Variants in PRKN observed in about 807,000 individuals in gnomAD.
PRKN encodes parkin RBR E3 ubiquitin protein ligase.
PRKN carries 56 observed loss-of-function variants against 59.5 expected under a neutral mutation model. That is an observed-to-expected ratio of 0.94 (90% CI 0.76 to 1.18). PRKN has a LOEUF of 1.18. PRKN is among the 50% of genes most tolerant of loss of function. The pLI, the probability that PRKN is intolerant of heterozygous loss-of-function variation, is 0.00. For synonymous variants in PRKN, 250 were observed against 222.1 expected (o/e 1.13, Z -1.12); for missense variants, 657 against 596.4 (o/e 1.10, Z -1.06).
intron 1 of PRKN, among the ~76,000 whole-genome samples, chr6:162,450,384 C>CTTGTGAATGTAAA (rs1308889049): frequency 7.5e-6 from 1 of 134,190 alleles, no homozygotes; most frequent in African/African-American, 2.7e-5. Flanking sequence ...TTGTAATCCC[C>CTTGTGAATGTAAA]CTGTGAATGT....
At chr6:161,877,645 T>G in intron 6 of PRKN, among the ~76,000 whole-genome samples, 1 of 151,790 alleles carries the variant, frequency 6.6e-6, no homozygotes. Context: ...TTCTTTTGTA[T>G]TTTTAGTAGA....
At chr6:161,426,223 T>G (rs1385917266) in intron 9 of PRKN, among the ~76,000 whole-genome samples, 1 of 152,148 alleles carries the variant, frequency 6.6e-6, no homozygotes, top group Non-Finnish European at 1.5e-5. Flanking sequence ...CGTGCTGAAG[T>G]ACCTCAGGGA....
At chr6:161,430,106 G>A (rs903419822) in intron 9 of PRKN, among the ~76,000 whole-genome samples, 1 of 152,198 alleles carries the variant, frequency 6.6e-6, no homozygotes, top group Non-Finnish European at 1.5e-5. Context: ...GGGAATCTGA[G>A]TCTTTTATAA....
At chr6:161,589,946 ATT>A (rs1284819728) in intron 7 of PRKN, among the ~76,000 whole-genome samples, 2 of 140,480 alleles carry the variant, frequency 1.4e-5, no homozygotes, top group Non-Finnish European at 1.6e-5. Flanking sequence ...TGCGCAGCTA[ATT>A]TTTTTTTTTT....
At chr6:162,142,466 G>A (rs1162903889) in intron 4 of PRKN, among the ~76,000 whole-genome samples, 1 of 152,174 alleles carries the variant, frequency 6.6e-6, no homozygotes, top group Non-Finnish European at 1.5e-5. Flanking sequence ...GCTTGTTATG[G>A]AGACTAAAGC....
At position 161,445,811 on chromosome 6, in the gene PRKN, T is replaced by C. The variant is rs965588675; in HGVS notation, c.1084-58934A>G. Among the ~76,000 whole-genome samples, 7 of 151,728 alleles carry C rather than the reference T, an allele frequency of 4.6e-5. No homozygotes were observed. The highest frequency in any genetic ancestry group is 1.0e-4 in the Non-Finnish European group (7 of 67,886). ...TACAAGGGGTTTCCCTTCCCTTCCC[T>C]TCCCTTCCCTTCCCTTCCCTTCCCT... On this transcript the variant is annotated intron_variant, in intron 9 of 11. Transcript: ENST00000366898. The surrounding 1 kb of genome is among the most constrained non-coding windows in gnomAD (Gnocchi z 7.7).
chr6:161,728,244 GA>G (rs34388276), intron 7 of PRKN, among the ~76,000 whole-genome samples: 25 of 145,366 alleles, frequency 1.7e-4, no homozygotes, highest in East Asian at 4.0e-4. Context: ...CAAAATGTGA[GA>G]AAAAAAAAAA....
At position 161,646,308 on chromosome 6, in the gene PRKN, G is replaced by A. The variant is rs537386472; in HGVS notation, c.872-76892C>T. ...GTGCGTGCGTGGCGGAGGAGGTGGC[G>A]TATCAGTGACAGTGGTGACTGCGTG... On this transcript the variant is annotated intron_variant, in intron 7 of 11. Coordinates refer to ENST00000366898, the MANE Select transcript of PRKN (RefSeq NM_004562.3). Among the ~76,000 whole-genome samples the A allele has an allele frequency of 3.7e-5, 3 of 81,866 alleles. No homozygotes were observed. The East Asian group carries it at 1.0e-3, about 27-fold the overall frequency. 53.7% of individuals were successfully genotyped at this position (81,866 alleles called of 152,430 possible).
At chr6:162,390,496 C>T (rs573363155) in intron 2 of PRKN, among the ~76,000 whole-genome samples, 1 of 151,372 alleles carries the variant, frequency 6.6e-6, no homozygotes, top group East Asian at 1.9e-4. Context: ...GTCTGGAGTG[C>T]ACTGGCACAA....
At chr6:161,883,792 A>T (rs1047093744) in intron 6 of PRKN, among the ~76,000 whole-genome samples, 1 of 152,010 alleles carries the variant, frequency 6.6e-6, no homozygotes, top group African/African-American at 2.4e-5. Context: ...AGCTGGGATT[A>T]CAGCCGCGCG....
chr6:161,838,675 C>A (rs576079195), intron 6 of PRKN, among the ~76,000 whole-genome samples: 29 of 152,180 alleles, frequency 1.9e-4, no homozygotes, highest in Non-Finnish European at 3.1e-4. Flanking sequence ...AGCGCCATTG[C>A]AGGAACTGTC....
At chr6:161,424,752 C>G (rs534791800) in intron 9 of PRKN, among the ~76,000 whole-genome samples, 69 of 152,226 alleles carry the variant, frequency 4.5e-4, no homozygotes, top group African/African-American at 1.6e-3. Flanking sequence ...TAGGCAAAAC[C>G]ACTGTGAGCA....
intron 4 of PRKN, among the ~76,000 whole-genome samples, chr6:162,091,262 A>C (rs1779482775): frequency 6.6e-6 from 1 of 152,238 alleles, no homozygotes; most frequent in Non-Finnish European, 1.5e-5. Flanking sequence ...TTAGTAATAA[A>C]GATGATAGCT....
At chr6:161,828,716 C>CAA (rs1792349187) in intron 6 of PRKN, among the ~76,000 whole-genome samples, 1 of 152,016 alleles carries the variant, frequency 6.6e-6, no homozygotes, top group Admixed American at 6.6e-5. Context: ...GTCAGGAGTT[C>CAA]GAATCCAGCC....
In PRKN at chr6:162,415,648, C is replaced by T. The variant is rs139442188; in HGVS notation, c.171+27662G>A. Among the ~76,000 whole-genome samples the T allele has an allele frequency of 5.7e-3, 862 of 152,150 alleles. 9 individuals carry two copies. The highest frequency in any genetic ancestry group is 0.02 in the African/African-American group (816 of 41,514). On this transcript the variant is annotated intron_variant, in intron 2 of 11. Coordinates refer to ENST00000366898, the MANE Select transcript of PRKN (RefSeq NM_004562.3). ...TCCTGGCCAACATGATGAAACCCGTCTGTACTAAAAATACAAAAATTAGCT... is the reference window on the plus strand; with the variant it reads ...TCCTGGCCAACATGATGAAACCCGTTTGTACTAAAAATACAAAAATTAGCT...
intron 2 of PRKN, among the ~76,000 whole-genome samples, chr6:162,369,834 T>C (rs539232566): frequency 6.6e-6 from 1 of 152,138 alleles, no homozygotes; most frequent in Admixed American, 6.6e-5. Flanking sequence ...GCACTAAGGA[T>C]GGCAGACCTA....
At chr6:162,620,007 G>A (rs566828859) in intron 1 of PRKN, among the ~76,000 whole-genome samples, 1 of 151,906 alleles carries the variant, frequency 6.6e-6, no homozygotes, top group South Asian at 2.1e-4. Context: ...AATCTGATAT[G>A]CTTAAATACA....
intron 7 of PRKN, among the ~76,000 whole-genome samples, chr6:161,762,075 G>GA (rs1206607584): frequency 6.6e-6 from 1 of 152,118 alleles, no homozygotes; most frequent in African/African-American, 2.4e-5. Flanking sequence ...GGTGAGGGCT[G>GA]AAAAAACAAC....
At chr6:161,795,078 G>T (rs933593911) in intron 6 of PRKN, among the ~76,000 whole-genome samples, 1 of 151,634 alleles carries the variant, frequency 6.6e-6, no homozygotes. Flanking sequence ...TAGAGACGGG[G>T]TTTCACCAAG....
Sources: allele counts gnomAD v4.1 joint callset (sites outside exome capture counted in the v4.1 genomes callset), GRCh38; gene constraint gnomAD v4.1.1; non-coding constraint Gnocchi (gnomAD v3.1); transcripts MANE v1.5; gene names NCBI Gene and HGNC (gene_info 2026-07-23, HGNC 2026-07-21).